Variants in MGAT4C observed in about 807,000 individuals in gnomAD.
MGAT4C encodes alpha-1,3-mannosyl-glycoprotein 4-beta-N-acetylglucosaminyltransferase C.
In MGAT4C, 19 loss-of-function variants were observed where a neutral mutation model predicts 40.1. The observed-to-expected ratio is 0.47, with a 90% confidence interval of 0.33 to 0.70. The LOEUF is 0.70. Among genes scored for constraint, MGAT4C ranks in the 30% least tolerant of loss-of-function variants. The pLI, the probability that MGAT4C is intolerant of heterozygous loss-of-function variation, is 0.02. For synonymous variants in MGAT4C, 181 were observed against 187.1 expected (o/e 0.97, Z 0.27); for missense variants, 491 against 563.2 (o/e 0.87, Z 1.30).
intron 2 of MGAT4C, among the ~76,000 whole-genome samples, chr12:86,466,208 C>CAAAAAA (rs35660169): frequency 3.7e-4 from 56 of 149,590 alleles, no homozygotes; most frequent in African/African-American, 1.2e-3. Flanking sequence ...AAGACTCCGT[C>CAAAAAA]AAAAAAAAAC....
At chr12:86,177,836 G>T (rs972414998) in intron 1 of MGAT4C, among the ~76,000 whole-genome samples, 6 of 152,026 alleles carry the variant, frequency 3.9e-5, no homozygotes, top group African/African-American at 1.4e-4. Flanking sequence ...ATTGTGATTA[G>T]CCCACAAGAT....
chr12:86,462,671 G>C (rs1957619010), intron 2 of MGAT4C, among the ~76,000 whole-genome samples: 1 of 152,140 alleles, frequency 6.6e-6, no homozygotes, highest in Non-Finnish European at 1.5e-5. Context: ...TCAGTCTATA[G>C]CTGAAGGCCC....
chr12:86,619,387 C>T (rs930988100), intron 2 of MGAT4C, among the ~76,000 whole-genome samples: 1 of 152,164 alleles, frequency 6.6e-6, no homozygotes, highest in Non-Finnish European at 1.5e-5. Flanking sequence ...GTCAGTTGGT[C>T]TCCCTACTGT....
intron 1 of MGAT4C, among the ~76,000 whole-genome samples, chr12:86,757,331 G>T (rs978262787): frequency 1.3e-5 from 2 of 151,990 alleles, no homozygotes; most frequent in Non-Finnish European, 2.9e-5. Flanking sequence ...AAAACTGCAC[G>T]TTCTGCATAT....
chr12:86,534,461 G>A (rs1000955205), intron 2 of MGAT4C, among the ~76,000 whole-genome samples: 1 of 151,978 alleles, frequency 6.6e-6, no homozygotes, highest in East Asian at 1.9e-4. Flanking sequence ...AAATCAAACT[G>A]TACACCAACC....
At chr12:86,095,078 C>T (rs1450954692) in intron 1 of MGAT4C, among the ~76,000 whole-genome samples, 1 of 152,066 alleles carries the variant, frequency 6.6e-6, no homozygotes, top group African/African-American at 2.4e-5. Flanking sequence ...GATTTAAGAA[C>T]AATACATTTT....
At position 86,328,246 on chromosome 12, in the gene MGAT4C, G is replaced by A. The variant is rs184570934; in HGVS notation, c.-57+5819C>T. Among the ~76,000 whole-genome samples the A allele has an allele frequency of 4.6e-5, 7 of 152,152 alleles. No individual in the cohort carries two copies. The East Asian group carries it at 7.7e-4, about 17-fold the overall frequency. On this transcript the variant is annotated intron_variant, in intron 4 of 7. Transcript: ENST00000548651. The stretch of plus-strand genomic sequence containing the variant: ...TGACATATTTATGAGAGAAAACACT[G>A]AACATGTTTCTAAACTTTGAGAATA...
chr12:86,754,710 T>C (rs1223033901), intron 1 of MGAT4C, among the ~76,000 whole-genome samples: 2 of 152,166 alleles, frequency 1.3e-5, no homozygotes, highest in African/African-American at 2.4e-5. Context: ...AATTAGGCTA[T>C]ATATTCCCAA....
intron 1 of MGAT4C, among the ~76,000 whole-genome samples, chr12:86,183,601 A>C (rs1888366545): frequency 1.3e-5 from 2 of 152,184 alleles, no homozygotes; most frequent in Admixed American, 6.5e-5. Context: ...TGAGTGGTGT[A>C]AACAACAGAA....
intron 3 of MGAT4C, among the ~76,000 whole-genome samples, chr12:86,403,497 A>T (rs576379842): frequency 6.6e-6 from 1 of 152,360 alleles, no homozygotes; most frequent in South Asian, 2.1e-4. Flanking sequence ...AAGAAGACAT[A>T]ATTCCATATG....
chr12:86,044,909 G>A (rs1169370926), intron 2 of MGAT4C, among the ~76,000 whole-genome samples: 1 of 152,144 alleles, frequency 6.6e-6, no homozygotes, highest in African/African-American at 2.4e-5. Context: ...GTCCATGGGT[G>A]TTGTGGTATC....
intron 1 of MGAT4C, among the ~76,000 whole-genome samples, chr12:86,127,433 A>G (rs554642742): frequency 1.5e-4 from 23 of 152,270 alleles, no homozygotes; most frequent in African/African-American, 4.8e-4. Flanking sequence ...AGTAAATGTG[A>G]AGGCCTAGGA....
chr12:86,630,336 T>C (rs1962988292), intron 2 of MGAT4C, among the ~76,000 whole-genome samples: 1 of 152,114 alleles, frequency 6.6e-6, no homozygotes, highest in Admixed American at 6.5e-5. Context: ...AAAGAGGAGC[T>C]GGTACCATTC....
At chr12:86,057,506 T>A (rs943916795) in intron 1 of MGAT4C, among the ~76,000 whole-genome samples, 2 of 152,210 alleles carry the variant, frequency 1.3e-5, no homozygotes, top group Non-Finnish European at 2.9e-5. Flanking sequence ...ACACATTTCA[T>A]GTGAGCTTTC....
chr12:86,359,935 A>G (rs1438882371), intron 3 of MGAT4C, among the ~76,000 whole-genome samples: 2 of 152,222 alleles, frequency 1.3e-5, no homozygotes, highest in Non-Finnish European at 2.9e-5. Flanking sequence ...TTCTGAAACT[A>G]TTCCAATTAA....
chr12:86,335,469 G>A (rs965058112), intron 3 of MGAT4C, among the ~76,000 whole-genome samples: 2 of 152,000 alleles, frequency 1.3e-5, no homozygotes, highest in African/African-American at 4.8e-5. Context: ...AGCAAACACA[G>A]ATGGCCTGAT....
At chr12:86,023,717 G>C (rs1001149790) in intron 2 of MGAT4C, among the ~76,000 whole-genome samples, 1 of 151,202 alleles carries the variant, frequency 6.6e-6, no homozygotes, top group Admixed American at 6.6e-5. Flanking sequence ...ACTTGAAGCA[G>C]TAACTAGCTT....
At chr12:86,459,412 ATT>A (rs2136293961) in intron 2 of MGAT4C, among the ~76,000 whole-genome samples, 1 of 151,970 alleles carries the variant, frequency 6.6e-6, no homozygotes, top group African/African-American at 2.4e-5. Flanking sequence ...TAAAGCAGGC[ATT>A]TGCAGTTTAC....
At position 86,589,197 on chromosome 12, in the gene MGAT4C, G is replaced by A. The variant is rs1041494190; in HGVS notation, c.-229+138012C>T. Among the ~76,000 whole-genome samples the A allele has an allele frequency of 7.7e-4, 117 of 151,956 alleles. 1 individual carries two copies. Among genetic ancestry groups the A allele is most frequent in the African/African-American group, 2.4e-3 (101 of 41,462 alleles). On this transcript the variant is annotated intron_variant, in intron 2 of 7. Coordinates refer to the MGAT4C transcript ENST00000548651. ...AAAAAGAGAGAAAAATCAAATAGACGCAATAAAAAATGATAAAGGGGATAT... is the reference window on the plus strand; with the variant it reads ...AAAAAGAGAGAAAAATCAAATAGACACAATAAAAAATGATAAAGGGGATAT...
Sources: gnomAD v4.1 joint callset for allele counts (sites outside exome capture counted in the v4.1 genomes callset) on GRCh38, gnomAD v4.1.1 for gene constraint, MANE v1.5 for transcripts, NCBI Gene and HGNC (gene_info 2026-07-23, HGNC 2026-07-21) for gene names.